LSAMP: variants seen among roughly 807,000 people sequenced by gnomAD.
LSAMP encodes the protein limbic system associated membrane protein.
LSAMP carries 7 observed loss-of-function variants against 38.6 expected under a neutral mutation model. The observed-to-expected ratio is 0.18, with a 90% CI of 0.10 to 0.34. LSAMP has a LOEUF of 0.34. LSAMP is among the 10% of genes least tolerant of loss of function. LSAMP has a pLI of 1.00. For synonymous variants in LSAMP, 154 were observed against 166.8 expected (o/e 0.92, Z 0.59); for missense variants, 313 against 420.0 (o/e 0.75, Z 2.23).
chr3:116,101,900 A>C (rs1708356028), intron 1 of LSAMP, among the ~76,000 whole-genome samples: 1 of 152,070 alleles, frequency 6.6e-6, no homozygotes, highest in African/African-American at 2.4e-5. Flanking sequence ...GATCCCAATA[A>C]ATATTTTTTA....
intron 1 of LSAMP, among the ~76,000 whole-genome samples, chr3:116,196,187 T>C (rs1002853254): frequency 3.3e-5 from 5 of 152,176 alleles, no homozygotes; most frequent in Non-Finnish European, 7.4e-5. Flanking sequence ...AATTCTGATA[T>C]AATTTTGACT....
At chr3:115,918,106 T>A (rs1937294422) in intron 3 of LSAMP, among the ~76,000 whole-genome samples, 1 of 152,166 alleles carries the variant, frequency 6.6e-6, no homozygotes, top group African/African-American at 2.4e-5. Flanking sequence ...GGCCCTCTGA[T>A]CCTTCAGGTC....
chr3:115,887,376 A>G (rs1936482627), intron 3 of LSAMP, among the ~76,000 whole-genome samples: 1 of 151,962 alleles, frequency 6.6e-6, no homozygotes, highest in African/African-American at 2.4e-5. Flanking sequence ...ATCAAAGTAA[A>G]GAAATATTTT....
At chr3:115,842,667 T>C in intron 4 of LSAMP, 89 bp from the exon 5 acceptor site, 5 of 1,529,126 alleles carry the variant, frequency 3.3e-6, no homozygotes, top group Non-Finnish European at 4.4e-6. Context: ...ACAATCTGAT[T>C]AGAGAGAGGC....
chr3:116,202,620 C>T (rs907333755), intron 1 of LSAMP, among the ~76,000 whole-genome samples: 2 of 151,972 alleles, frequency 1.3e-5, no homozygotes, highest in Non-Finnish European at 2.9e-5. Flanking sequence ...ACAGGAGTCC[C>T]GCTTTGTTGT....
intron 1 of LSAMP, among the ~76,000 whole-genome samples, chr3:116,102,489 A>G (rs901177819): frequency 1.3e-5 from 2 of 152,184 alleles, no homozygotes; most frequent in East Asian, 1.9e-4. Context: ...GATGAGATTA[A>G]CATTTGAATT....
intron 6 of LSAMP, among the ~76,000 whole-genome samples, chr3:115,826,721 A>G (rs1934424690): frequency 1.3e-5 from 2 of 152,190 alleles, no homozygotes; most frequent in Admixed American, 1.3e-4. Context: ...AACCTGTGCC[A>G]AAAAATGAGT....
chr3:115,926,616 C>T (rs1937505171), intron 3 of LSAMP, among the ~76,000 whole-genome samples: 1 of 152,190 alleles, frequency 6.6e-6, no homozygotes, highest in African/African-American at 2.4e-5. Context: ...TGGGGGTGTG[C>T]TCCTCTGGAG....
intron 1 of LSAMP, among the ~76,000 whole-genome samples, chr3:116,102,848 A>G (rs1342890652): frequency 6.6e-6 from 1 of 152,094 alleles, no homozygotes; most frequent in East Asian, 1.9e-4. Flanking sequence ...AGACTAATAC[A>G]GTAAGTTTTA....
rs564946554 is a variant in LSAMP at position 116,108,901 on chromosome 3, C to CT, written c.156-22346dup. Among the ~76,000 whole-genome samples the CT allele has an allele frequency of 4.2e-3, 645 of 152,200 alleles. 3 individuals carry two copies. The highest frequency in any genetic ancestry group is 6.4e-3 in the Non-Finnish European group (432 of 68,028). On this transcript the variant is annotated intron_variant, in intron 1 of 6. Transcript: ENST00000490035. ...TCACAGTGGAGGCAAGGAATTGCAA[C>CT]TTTTTTCTGTTATTGTACACCTTGA... is the stretch of plus-strand genomic sequence containing the variant.
At chr3:116,209,419 C>T (rs2046122090) in intron 1 of LSAMP, among the ~76,000 whole-genome samples, 1 of 152,222 alleles carries the variant, frequency 6.6e-6, no homozygotes, top group South Asian at 2.1e-4. Flanking sequence ...CATCTTGGCT[C>T]TTCCCTCAAA....
intron 1 of LSAMP, among the ~76,000 whole-genome samples, chr3:116,307,958 G>T (rs2047505206): frequency 6.6e-6 from 1 of 151,778 alleles, no homozygotes; most frequent in South Asian, 2.1e-4. Context: ...TTTATAAAAT[G>T]CACATGATAA....
intron 1 of LSAMP, among the ~76,000 whole-genome samples, chr3:116,124,236 T>C (rs1708955333): frequency 6.6e-6 from 1 of 152,130 alleles, no homozygotes; most frequent in South Asian, 2.1e-4. Flanking sequence ...GTTGTAAAAA[T>C]TTTTTCCATT....
chr3:116,359,265 A>T (rs944180281), intron 1 of LSAMP, among the ~76,000 whole-genome samples: 1 of 152,210 alleles, frequency 6.6e-6, no homozygotes, highest in Non-Finnish European at 1.5e-5. Context: ...TTGAGTTAGC[A>T]GGTAGTGAAA....
intron 1 of LSAMP, among the ~76,000 whole-genome samples, chr3:116,248,491 G>A (rs1296353388): frequency 7.1e-6 from 1 of 140,036 alleles, no homozygotes; most frequent in Non-Finnish European, 1.6e-5. Context: ...GTGTGTGTGT[G>A]TGTGTGTGTG....
rs1335291485 is a variant in LSAMP, at chr3:115,846,196, TA to T, written c.650-3619del. 2.0e-5 allele frequency among the ~76,000 whole-genome samples: 3 copies of T among 152,212 alleles called. No individual in the cohort carries two copies. In the East Asian group the frequency reaches 5.8e-4, roughly 29 times the overall value. ...TGGTTATAATAAAAATGTGGCATCA[TA>T]AAAATGCTGCACAGAGAGGTCCATT... On this transcript the variant is annotated intron_variant, in intron 4 of 6. Coordinates refer to ENST00000490035, the MANE Select transcript of LSAMP (RefSeq NM_002338.5).
chr3:116,223,242 A>G (rs926505207), intron 1 of LSAMP, among the ~76,000 whole-genome samples: 3 of 152,222 alleles, frequency 2.0e-5, no homozygotes, highest in Non-Finnish European at 4.4e-5. Flanking sequence ...TGAATAAGTA[A>G]TAGAAATTCC....
chr3:115,904,095 A>G (rs918060905), intron 3 of LSAMP, among the ~76,000 whole-genome samples: 6 of 152,270 alleles, frequency 3.9e-5, no homozygotes, highest in African/African-American at 7.2e-5. Context: ...GTTATGAATC[A>G]TCTGTCGACG....
chr3:115,824,149 G>A (rs1934333941), intron 6 of LSAMP, among the ~76,000 whole-genome samples: 1 of 152,204 alleles, frequency 6.6e-6, no homozygotes. Context: ...AAGAGGCTAA[G>A]TTTAATAAAG....
Sources: gnomAD v4.1 joint callset for allele counts (sites outside exome capture counted in the v4.1 genomes callset) on GRCh38, gnomAD v4.1.1 for gene constraint, MANE v1.5 for transcripts, NCBI Gene and HGNC (gene_info 2026-07-23, HGNC 2026-07-21) for gene names.